Variants in ZBTB7A observed in about 807,000 individuals in gnomAD.
ZBTB7A encodes zinc finger and BTB domain-containing protein 7A.
ZBTB7A carries 7 observed loss-of-function variants against 26.7 expected under a neutral mutation model. The ratio of observed to expected loss-of-function variants is 0.26; its 90% CI spans 0.15 to 0.49. The LOEUF (loss-of-function observed/expected upper bound fraction) is 0.49. Ranked by LOEUF, ZBTB7A falls within the 20% of genes least tolerant of loss-of-function variation. The pLI is 0.98. For synonymous variants in ZBTB7A, 452 were observed against 441.0 expected (o/e 1.02, Z -0.31); for missense variants, 617 against 919.5 (o/e 0.67, Z 4.25).
chr19:4,046,933 TG>T lies in ZBTB7A; in HGVS notation c.*818del, dbSNP rs913912193. On this transcript the variant is annotated 3_prime_UTR_variant, in exon 3 of 3. Coordinates refer to ENST00000322357, the MANE Select transcript of ZBTB7A (RefSeq NM_015898.4). ...GGGGTCTAGGTGGACCGGGCGGGGG[TG>T]GGGGGGCGCCCTGAGGGGTGGTCCC... 4.3e-5 allele frequency: 1 copy of T among 23,044 alleles called. No individual in the cohort carries two copies. The allele number at this position is 23,044 out of a possible 1,614,324, so 1.4% of individuals were successfully genotyped here. A position where few individuals can be genotyped will look rare whatever the true frequency, so the allele number is the denominator to read the frequency against.
Position 4,047,966 on chromosome 19 carries a change from G to GC in ZBTB7A, c.1540dup (p.Ala514GlyfsTer26). On this transcript the variant is annotated frameshift_variant, in exon 3 of 3. Transcript: ENST00000322357. LOFTEE classifies it low-confidence loss of function (END_TRUNC). ...GGCGGGGGCGCCGGGGGTCGCGGTG[G>GC]CCCCCGGGCTGGGGTCGGGCGCCCC... 8.2e-7 allele frequency: 1 copy of GC among 1,222,560 alleles called. No homozygotes were observed. The highest frequency in any genetic ancestry group is 1.0e-6 in the Non-Finnish European group (1 of 971,400). The allele number at this position is 1,222,560 out of a possible 1,614,324, so 75.7% of individuals were successfully genotyped here. A position where few individuals can be genotyped will look rare whatever the true frequency, so the allele number is the denominator to read the frequency against.
Position 4,047,766 on chromosome 19 carries a change from C to CTG in ZBTB7A, c.1739_1740dup (p.Ala581GlnfsTer64). 1 of 1,600,500 alleles carries CTG rather than the reference C, an allele frequency of 6.2e-7. No homozygotes were observed. Among genetic ancestry groups the CTG allele is most frequent in the Non-Finnish European group, 8.5e-7 (1 of 1,174,098 alleles). On this transcript the variant is annotated frameshift_variant, in exon 3 of 3. Transcript: ENST00000322357. LOFTEE classifies it high-confidence loss of function. ...CTTTTTGGTTTTTAGGCGAGTCCGG[C>CTG]TGTGAAGTTACCGTCGGTGGCGGCC...
At chr19:4,064,756 C>G (rs990370133) in intron 1 of ZBTB7A, among the ~76,000 whole-genome samples, 4 of 152,134 alleles carry the variant, frequency 2.6e-5, no homozygotes, top group Admixed American at 2.6e-4. Context: ...GTGGGTGCCG[C>G]GGGTGGCAGG....
At chr19:4,058,451 G>A (rs942792711) in intron 1 of ZBTB7A, among the ~76,000 whole-genome samples, 7 of 128,878 alleles carry the variant, frequency 5.4e-5, no homozygotes, top group Admixed American at 2.4e-4. Context: ...CCTTTTTTCC[G>A]CCTTCCCCTC....
At chr19:4,050,530 C>T (rs1599250945) in intron 2 of ZBTB7A, among the ~76,000 whole-genome samples, 1 of 152,196 alleles carries the variant, frequency 6.6e-6, no homozygotes, top group Non-Finnish European at 1.5e-5. Flanking sequence ...CCTACAAAGC[C>T]GGTCACCATA....
rs2040458931 is a variant in ZBTB7A, at chr19:4,048,859, A to C, written c.1263-615T>G. Among the ~76,000 whole-genome samples the C allele has an allele frequency of 6.6e-6, 1 of 150,934 alleles. No homozygotes were observed. Among genetic ancestry groups the C allele is most frequent in the African/African-American group, 2.4e-5 (1 of 41,024 alleles). ...GAGCGAAACTCCGTCTCAAAAAACA[A>C]ATCTGCCAGGCGTGGTGGCGCAGGC... On this transcript the variant is annotated intron_variant, in intron 2 of 2. Transcript: ENST00000322357. The surrounding 1 kb of genome is among the most constrained non-coding windows in gnomAD (Gnocchi z 6.7).
intron 1 of ZBTB7A, among the ~76,000 whole-genome samples, chr19:4,058,743 C>T (rs2040609643): frequency 6.6e-6 from 1 of 152,214 alleles, no homozygotes; most frequent in Non-Finnish European, 1.5e-5. Flanking sequence ...AGCCAGGCCC[C>T]ACAAGGGAGG....
At position 4,055,115 on chromosome 19, in the gene ZBTB7A, C is replaced by T; in HGVS notation, c.118G>A (p.Val40Met). The T allele has an allele frequency of 6.2e-7, 1 of 1,609,656 alleles. No homozygotes were observed. Among genetic ancestry groups the T allele is most frequent in the Non-Finnish European group, 8.5e-7 (1 of 1,179,720 alleles). The change falls in exon 2 of 3, where the codon GTG becomes ATG. Residue 40 changes from valine (V) to methionine (M), a missense_variant. This residue lies in a region of ZBTB7A where 82 missense variants were observed against 195.2 expected (regional missense o/e 0.42). Transcript: ENST00000322357. ...TGCGTGGGGAACTCGCGGCCCTCCA[C>T]CAGGATCACCACGTCGCACAGCAGG... ...QGLLCDVVIL[V>M]EGREFPTHRS...
At chr19:4,053,914 GCGGCGGATGCTGGGGCAGAGAGCAGGA>G (rs1186644575) in intron 2 of ZBTB7A, 30 bp downstream of exon 2, 2 of 1,528,528 alleles carry the variant, frequency 1.3e-6, no homozygotes, top group Non-Finnish European at 1.8e-6. Context: ...GGGGTCGTGA[GCGGCGGATGCTGGGGCAGAGAGCAGGA>G]CGGCGCCTCC....
intron 1 of ZBTB7A, chr19:4,061,805 C>G (rs904021780): frequency 1.3e-5 from 2 of 152,268 alleles, no homozygotes; most frequent in African/African-American, 4.8e-5. Context: ...CCACCCTGTT[C>G]CCACACTCTG....
intron 2 of ZBTB7A, among the ~76,000 whole-genome samples, chr19:4,053,697 CTG>C (rs531104277): frequency 3.9e-4 from 59 of 149,836 alleles, no homozygotes; most frequent in Admixed American, 7.3e-4. Context: ...GTGTGTGCGT[CTG>C]TGTGTGTGCA....
chr19:4,054,550 C>T lies in ZBTB7A; in HGVS notation c.683G>A (p.Arg228Gln), dbSNP rs760672869. Reference sequence around the variant, plus strand: ...CTCGTCCCCGTCCCCCGTCGGGGGCCGCTCGGCCGGGGGGCCCGGCCCATA... The same window carrying T: ...CTCGTCCCCGTCCCCCGTCGGGGGCTGCTCGGCCGGGGGGCCCGGCCCATA... ...DFYGPGPPAERPPTGDGDEGD... is the reference protein window; with the variant it reads ...DFYGPGPPAEQPPTGDGDEGD... Residue 228 changes from arginine to glutamine, a missense_variant, in exon 2 of 3, where the codon CGG becomes CAG. Arg to Gln is a conservative substitution (Grantham distance 43, BLOSUM62 1). Transcript: ENST00000322357. 5 of 1,465,842 alleles carry T rather than the reference C, an allele frequency of 3.4e-6. No homozygotes were observed. Among genetic ancestry groups the T allele is most frequent in the Admixed American group, 5.5e-5 (2 of 36,262 alleles). 90.8% of individuals were successfully genotyped at this position (1,465,842 alleles called of 1,614,324 possible).
chr19:4,065,605 C>T (rs1350178605), intron 1 of ZBTB7A: 4 of 145,042 alleles, frequency 2.8e-5, no homozygotes, highest in Non-Finnish European at 6.1e-5. Flanking sequence ...ATGCAAATTA[C>T]CCCGGATCTG....
rs1055967796 is a variant in ZBTB7A, at chr19:4,048,498, C to T, written c.1263-254G>A. Among the ~76,000 whole-genome samples, 2 of 152,160 alleles carry T rather than the reference C, an allele frequency of 1.3e-5. No homozygotes were observed. Among genetic ancestry groups the T allele is most frequent in the African/African-American group, 4.8e-5 (2 of 41,450 alleles). On this transcript the variant is annotated intron_variant, in intron 2 of 2. Coordinates refer to ENST00000322357, the MANE Select transcript of ZBTB7A (RefSeq NM_015898.4). This position sits in a 1 kb window ranked among gnomAD's most constrained non-coding sequence, Gnocchi z 6.7. ...GTGGCCTTGGGAAAACGCTATGCCT[C>T]TCTGAACCCCGTTTCCTTTCCTTTT...
At position 4,047,817 on chromosome 19, in the gene ZBTB7A, C is replaced by T; in HGVS notation, c.1690G>A (p.Gly564Arg). The part of the protein sequence containing the change: ...GRLNVAGAGG[G>R]GDSGGGPGAA... ...CCGGGGCCACCTCCGCTGTCACCTC[C>T]TCCACCGGCGCCCGCTACATTCAAC... is the stretch of plus-strand genomic sequence containing the variant. Residue 564 changes from glycine (G) to arginine (R), a missense_variant, in exon 3 of 3, where the codon GGA becomes AGA. Physicochemically the swap from Gly to Arg is moderately radical, Grantham distance 125. This residue lies in a region of ZBTB7A where 136 missense variants were observed against 126.6 expected (regional missense o/e 1.07). Transcript: ENST00000322357. The T allele has an allele frequency of 6.2e-7, 1 of 1,604,872 alleles. No homozygotes were observed. Among genetic ancestry groups the T allele is most frequent in the Non-Finnish European group, 8.5e-7 (1 of 1,176,388 alleles).
Position 4,044,822 on chromosome 19 carries a change from ATTTTTT to A in ZBTB7A, c.*2924_*2929del, listed in dbSNP as rs373801245. 9 of 150,172 alleles carry A rather than the reference ATTTTTT, an allele frequency of 6.0e-5. No individual in the cohort carries two copies. The highest frequency in any genetic ancestry group is 7.4e-5 in the Non-Finnish European group (5 of 67,500). The allele number at this position is 150,172 out of a possible 1,614,324, so 9.3% of individuals were successfully genotyped here. ...GTCAACACGACCCTCCTCAAATATC[ATTTTTT>A]TTTGTTTGTTTGTTTCCTGAAACGC... is the stretch of plus-strand genomic sequence containing the variant. On this transcript the variant is annotated 3_prime_UTR_variant, in exon 3 of 3. Coordinates refer to ENST00000322357, the MANE Select transcript of ZBTB7A (RefSeq NM_015898.4).
At chr19:4,061,004 C>T (rs914874392) in intron 1 of ZBTB7A, among the ~76,000 whole-genome samples, 2 of 152,134 alleles carry the variant, frequency 1.3e-5, no homozygotes, top group South Asian at 4.1e-4. Context: ...GGGCAAGATG[C>T]GAGACCTCTC....
chr19:4,055,588 C>A (rs978071404), intron 1 of ZBTB7A: 5 of 506,610 alleles, frequency 9.9e-6, no homozygotes, highest in Non-Finnish European at 1.3e-5. Context: ...TTTGGGAGGC[C>A]GAGACAGGCA....
chr19:4,064,828 C>A (rs766308556), intron 1 of ZBTB7A, among the ~76,000 whole-genome samples: 8 of 152,160 alleles, frequency 5.3e-5, no homozygotes, highest in African/African-American at 1.9e-4. Flanking sequence ...CTGCCTCCCC[C>A]CGCCTCGCCG....
Sources: allele counts gnomAD v4.1 joint callset (sites outside exome capture counted in the v4.1 genomes callset), GRCh38; gene constraint gnomAD v4.1.1; regional missense constraint gnomAD v4.1.1; non-coding constraint Gnocchi (gnomAD v3.1); transcripts MANE v1.5; gene names NCBI Gene and HGNC (gene_info 2026-07-23, HGNC 2026-07-21).